Variants in EXPH5 observed in about 807,000 individuals in gnomAD.
EXPH5 encodes the protein exophilin-5.
In EXPH5, 42 loss-of-function variants were observed where a neutral mutation model predicts 41.1. The ratio of observed to expected loss-of-function variants is 1.02; its 90% CI spans 0.80 to 1.32. The LOEUF (loss-of-function observed/expected upper bound fraction) is 1.32. EXPH5 is among the 40% of genes most tolerant of loss of function. The pLI is 0.00. For missense variants in EXPH5, 2,298 were observed against 2,314.5 expected, an observed-to-expected ratio of 0.99 and a Z score of 0.15; for synonymous variants, 798 against 833.5, an observed-to-expected ratio of 0.96 and a Z score of 0.73.
At chr11:108,572,308 T>C (rs886385294) in intron 1 of EXPH5, among the ~76,000 whole-genome samples, 3 of 152,192 alleles carry the variant, frequency 2.0e-5, no homozygotes, top group Non-Finnish European at 4.4e-5. Flanking sequence ...CAAGCAGTTT[T>C]AAAGCAGCAA....
At chr11:108,532,350 ATATATATATATATATATTTTTT>A (rs1565800020) in intron 3 of EXPH5, among the ~76,000 whole-genome samples, 2 of 7,460 alleles carry the variant, frequency 2.7e-4, no homozygotes, top group African/African-American at 1.2e-3. Flanking sequence ...ATATATATAT[ATATATATATATATATATTTTTT>A]TTTTTTTTTT....
At position 108,539,159 on chromosome 11, in the gene EXPH5, G is replaced by C; in HGVS notation, c.308C>G (p.Ser103Cys). Residue 103 changes from serine to cysteine, a missense_variant, in exon 3 of 6, where the codon TCT (serine) becomes TGT (cysteine). By Grantham distance (112) the Ser-to-Cys change is moderately radical. Coordinates refer to ENST00000265843, the MANE Select transcript of EXPH5 (RefSeq NM_015065.3). ...CTTTTTTTGATTAGTTACATTTTTA[G>C]ATCTTGATGTAGGTAATTCTATCGG... The part of the protein sequence containing the change: ...NDPIELPTSR[S>C]KNVTNQKKPT... 1 of 1,603,510 alleles carries C rather than the reference G, an allele frequency of 6.2e-7. No individual in the cohort carries two copies. Among genetic ancestry groups the C allele is most frequent in the Non-Finnish European group, 8.5e-7 (1 of 1,175,502 alleles).
At chr11:108,561,873 A>G (rs1194288377) in intron 1 of EXPH5, among the ~76,000 whole-genome samples, 1 of 152,214 alleles carries the variant, frequency 6.6e-6, no homozygotes. Flanking sequence ...TTGCAAGAAG[A>G]AAATCAGCCC....
intron 1 of EXPH5, among the ~76,000 whole-genome samples, chr11:108,543,193 C>T (rs1337228447): frequency 6.6e-6 from 1 of 152,132 alleles, no homozygotes; most frequent in Admixed American, 6.5e-5. Context: ...GGCCTGAAAT[C>T]CTATTACTTT....
upstream of EXPH5, among the ~76,000 whole-genome samples, chr11:108,598,313 G>C (rs972791016): frequency 2.6e-5 from 4 of 152,130 alleles, no homozygotes; most frequent in Non-Finnish European, 4.4e-5. Context: ...ATATTCCACA[G>C]AATTCCTTGC....
intron 1 of EXPH5, among the ~76,000 whole-genome samples, chr11:108,581,485 A>T (rs1341891900): frequency 6.6e-6 from 1 of 152,132 alleles, no homozygotes; most frequent in Non-Finnish European, 1.5e-5. Flanking sequence ...ATACTTCATG[A>T]ATATGTACAA....
Position 108,511,896 on chromosome 11 carries a change from G to A in EXPH5, c.3611C>T (p.Ala1204Val). The A allele has an allele frequency of 1.3e-6, 2 of 1,590,584 alleles. No individual in the cohort carries two copies. The highest frequency in any genetic ancestry group is 1.7e-6 in the Non-Finnish European group (2 of 1,172,894). Residue 1204 changes from alanine to valine, a missense_variant, in exon 6 of 6, where the codon GCT (alanine) becomes GTT (valine). Coordinates refer to ENST00000265843, the MANE Select transcript of EXPH5 (RefSeq NM_015065.3). Reference sequence around the variant, plus strand: ...AGGTAAAGGGTCTTCATTTGAAAGAGCAAATACACTTCTCCTGGAGGCAGC... The same window carrying A: ...AGGTAAAGGGTCTTCATTTGAAAGAACAAATACACTTCTCCTGGAGGCAGC... ...KMAASRRSVF[A>V]LSNEDPLPFC...
chr11:108,549,047 C>G (rs979640158), intron 1 of EXPH5, among the ~76,000 whole-genome samples: 2 of 152,226 alleles, frequency 1.3e-5, no homozygotes, highest in African/African-American at 4.8e-5. Flanking sequence ...ATATGTTCAG[C>G]ACCAACTGGG....
At position 108,507,597 on chromosome 11, in the gene EXPH5, G is replaced by A. The variant is rs2093651210; in HGVS notation, c.*1940C>T. 1 of 152,134 alleles carries A rather than the reference G, an allele frequency of 6.6e-6. No individual in the cohort carries two copies. The highest frequency in any genetic ancestry group is 2.1e-4 in the South Asian group (1 of 4,836). The allele number at this position is 152,134 out of a possible 1,614,324, so 9.4% of individuals were successfully genotyped here. On this transcript the variant is annotated 3_prime_UTR_variant, in exon 6 of 6. Transcript: ENST00000265843. ...TAGGAGAGAAATCCCCCGAGGTTCT[G>A]CATGGCAAATAAAGAGTTAGGAAAG...
chr11:108,594,134 A>T (rs918879832), upstream of EXPH5, among the ~76,000 whole-genome samples: 3 of 152,194 alleles, frequency 2.0e-5, no homozygotes, highest in African/African-American at 7.2e-5. Flanking sequence ...CAAAAGGGTT[A>T]CTTATCTGAA....
At chr11:108,589,009 T>C (rs943607220) in intron 1 of EXPH5, among the ~76,000 whole-genome samples, 1 of 152,230 alleles carries the variant, frequency 6.6e-6, no homozygotes, top group Non-Finnish European at 1.5e-5. Flanking sequence ...TACTTTGTTA[T>C]GTTTCAGAAC....
Position 108,514,826 on chromosome 11 carries a change from T to C in EXPH5, c.681A>G (p.Ser227=). Residue 227 remains serine (S), a synonymous_variant, in exon 6 of 6, where the codon TCA becomes TCG. Coordinates refer to ENST00000265843, the MANE Select transcript of EXPH5 (RefSeq NM_015065.3). ...SKLAQEQSAS[S]VNTRTPLNYG... Reference sequence around the variant, plus strand: ...AGTTGAGGGGTGTTCTGGTATTCACTGAGCTTGCAGACTGTTCCTGAGCCA... The same window carrying C: ...AGTTGAGGGGTGTTCTGGTATTCACCGAGCTTGCAGACTGTTCCTGAGCCA... 9 of 1,561,992 alleles carry C rather than the reference T, an allele frequency of 5.8e-6. No individual in the cohort carries two copies. The highest frequency in any genetic ancestry group is 7.8e-6 in the Non-Finnish European group (9 of 1,160,594).
chr11:108,583,999 C>A (rs2094106401), intron 1 of EXPH5, among the ~76,000 whole-genome samples: 1 of 152,020 alleles, frequency 6.6e-6, no homozygotes, highest in South Asian at 2.1e-4. Flanking sequence ...AGATCAATAT[C>A]AAAAATCAAT....
intron 1 of EXPH5, among the ~76,000 whole-genome samples, chr11:108,556,626 C>T (rs1206517518): frequency 6.6e-6 from 1 of 152,106 alleles, no homozygotes; most frequent in Non-Finnish European, 1.5e-5. Flanking sequence ...TAGGCATGCA[C>T]AACCACGCCC....
At chr11:108,605,365 A>G in the EXPH5 span, among the ~76,000 whole-genome samples, 2 of 152,098 alleles carry the variant, frequency 1.3e-5, no homozygotes. Flanking sequence ...AACATAGGAG[A>G]TGTGATTCTT....
chr11:108,545,593 T>G lies in EXPH5; in HGVS notation c.120-3781A>C, dbSNP rs536740614. ...AATTCTGCTGGGGTGGGAGTGTGTGTGGGGGGGAAACAATAAAAAAGTAAA... is the reference window on the plus strand; with the variant it reads ...AATTCTGCTGGGGTGGGAGTGTGTGGGGGGGGGAAACAATAAAAAAGTAAA... On this transcript the variant is annotated intron_variant, in intron 1 of 5. Coordinates refer to ENST00000265843, the MANE Select transcript of EXPH5 (RefSeq NM_015065.3). Among the ~76,000 whole-genome samples, 18 of 151,688 alleles carry G rather than the reference T, an allele frequency of 1.2e-4. No homozygotes were observed. In the East Asian group the frequency reaches 1.7e-3, roughly 15 times the overall value.
intron 1 of EXPH5, among the ~76,000 whole-genome samples, chr11:108,543,260 T>G: frequency 6.6e-6 from 1 of 152,194 alleles, no homozygotes; most frequent in Non-Finnish European, 1.5e-5. Flanking sequence ...AAATGCTGCT[T>G]TAAGTTCTTA....
chr11:108,580,435 G>A (rs1265176531), intron 1 of EXPH5, among the ~76,000 whole-genome samples: 2 of 152,208 alleles, frequency 1.3e-5, no homozygotes, highest in African/African-American at 4.8e-5. Context: ...TGGAGAAAAG[G>A]GAACTCTTAT....
upstream of EXPH5, among the ~76,000 whole-genome samples, chr11:108,596,228 A>C (rs913643051): frequency 6.6e-6 from 1 of 152,112 alleles, no homozygotes; most frequent in Non-Finnish European, 1.5e-5. Context: ...GATTACTCTG[A>C]TAGCAGTAGA....
Sources: allele counts gnomAD v4.1 joint callset (sites outside exome capture counted in the v4.1 genomes callset), GRCh38; gene constraint gnomAD v4.1.1; transcripts MANE v1.5; gene names NCBI Gene and HGNC (gene_info 2026-07-23, HGNC 2026-07-21).